The following VSX2 variants were observed in gnomAD, a reference collection of about 807,000 sequenced individuals.
VSX2 encodes ceh-10 homeo domain containing homolog.
VSX2 carries 28 observed loss-of-function variants against 32.1 expected under a neutral mutation model. The ratio of observed to expected loss-of-function variants is 0.87; its 90% CI spans 0.65 to 1.20. VSX2 has a LOEUF of 1.20. Among genes scored for constraint, VSX2 ranks in the 50% most tolerant of loss-of-function variants. The pLI is 0.00. For synonymous variants in VSX2, 243 were observed against 214.1 expected (o/e 1.14, Z -1.18); for missense variants, 506 against 488.7 (o/e 1.04, Z -0.33).
At chr14:74,241,447 G>A (rs1039406370) in intron 2 of VSX2, among the ~76,000 whole-genome samples, 181 bp downstream of exon 2, 7 of 152,264 alleles carry the variant, frequency 4.6e-5, no homozygotes, top group African/African-American at 1.7e-4. Context: ...CGTCGGCACC[G>A]GTTGAGCAGG....
At position 74,259,599 on chromosome 14, in the gene VSX2, C is replaced by A. The variant is rs1335243999; in HGVS notation, c.580-3C>A. 6.2e-7 allele frequency: 1 copy of A among 1,614,194 alleles called. No individual in the cohort carries two copies. Among genetic ancestry groups the A allele is most frequent in the South Asian group, 1.1e-5 (1 of 91,088 alleles). ...GCCTCTGACCTGTTCTGTGCACCTGCAGGTCTGGTTCCAGAACCGTCGAGC... is the reference window on the plus strand; with the variant it reads ...GCCTCTGACCTGTTCTGTGCACCTGAAGGTCTGGTTCCAGAACCGTCGAGC... On this transcript the variant is annotated splice_polypyrimidine_tract_variant and splice_region_variant and intron_variant, in intron 3 of 4. Coordinates refer to ENST00000261980, the MANE Select transcript of VSX2 (RefSeq NM_182894.3).
At chr14:74,241,966 GT>G (rs2079153029) in intron 2 of VSX2, among the ~76,000 whole-genome samples, 2 of 151,320 alleles carry the variant, frequency 1.3e-5, no homozygotes, top group South Asian at 4.2e-4. Flanking sequence ...GTTTTGTTTT[GT>G]TTTTGTCTTT....
In VSX2 at chr14:74,239,628, G is replaced by A. The variant is rs1213638238; in HGVS notation, c.67G>A (p.Gly23Arg). ...CGAGACAGTGGCCAAGAGTACCTCG[G>A]GGGGCGCCCCGGCCAGGTGCACTGG... is the stretch of plus-strand genomic sequence containing the variant. Reference protein sequence around the residue: ...KSETVAKSTSGGAPARCTGFG... With the variant: ...KSETVAKSTSRGAPARCTGFG... The change falls in exon 1 of 5, where the codon GGG (glycine) becomes AGG (arginine). Residue 23 changes from glycine (G) to arginine (R), a missense_variant. Physicochemically the swap from Gly to Arg is moderately radical, Grantham distance 125. Transcript: ENST00000261980. 4.5e-6 allele frequency: 7 copies of A among 1,551,082 alleles called. No homozygotes were observed. Among genetic ancestry groups the A allele is most frequent in the Non-Finnish European group, 6.1e-6 (7 of 1,146,978 alleles).
At chr14:74,244,932 A>AGAGAGAGAG (rs1594754417) in intron 2 of VSX2, among the ~76,000 whole-genome samples, 2 of 35,516 alleles carry the variant, frequency 5.6e-5, no homozygotes, top group Admixed American at 3.4e-4. Flanking sequence ...GTGTGTGTGA[A>AGAGAGAGAG]AGAGAGAGAG....
chr14:74,243,591 A>G (rs2079165436), intron 2 of VSX2, among the ~76,000 whole-genome samples: 1 of 151,922 alleles, frequency 6.6e-6, no homozygotes, highest in Non-Finnish European at 1.5e-5. Context: ...TTTATTGTTT[A>G]TTTTGATGCT....
In VSX2 at chr14:74,260,796, G is replaced by C; in HGVS notation, c.963G>C (p.Leu321=). 1 of 1,574,522 alleles carries C rather than the reference G, an allele frequency of 6.4e-7. No individual in the cohort carries two copies. Among genetic ancestry groups the C allele is most frequent in the South Asian group, 1.2e-5 (1 of 85,840 alleles). The change falls in exon 5 of 5, where the codon CTG becomes CTC. Residue 321 remains leucine, a synonymous_variant. Coordinates refer to ENST00000261980, the MANE Select transcript of VSX2 (RefSeq NM_182894.3). ...AKAQEHSTKV[L]GTVSGPDSLA... ...CTCAGGAGCACAGCACCAAAGTGCTGGGGACTGTGTCTGGGCCGGACAGCC... is the reference window on the plus strand; with the variant it reads ...CTCAGGAGCACAGCACCAAAGTGCTCGGGACTGTGTCTGGGCCGGACAGCC...
chr14:74,248,967 C>G (rs1445163392), intron 3 of VSX2, among the ~76,000 whole-genome samples: 1 of 152,126 alleles, frequency 6.6e-6, no homozygotes, highest in Non-Finnish European at 1.5e-5. Flanking sequence ...GTTTAACAGG[C>G]CCAGATGGAC....
chr14:74,242,875 C>T (rs550460111), intron 2 of VSX2, among the ~76,000 whole-genome samples: 28 of 152,200 alleles, frequency 1.8e-4, no homozygotes, highest in African/African-American at 6.3e-4. Context: ...ATGGCATTTC[C>T]GCATCAGGAC....
At chr14:74,244,446 G>T (rs1244201897) in intron 2 of VSX2, among the ~76,000 whole-genome samples, 1 of 152,146 alleles carries the variant, frequency 6.6e-6, no homozygotes, top group Non-Finnish European at 1.5e-5. Flanking sequence ...GTCGAGGAAG[G>T]GCAGGGGAGG....
At chr14:74,245,322 C>T in intron 3 of VSX2, 34 bp downstream of exon 3, 1 of 1,612,522 alleles carries the variant, frequency 6.2e-7, no homozygotes. Flanking sequence ...CCTCCACTCT[C>T]CCCTCTCTCG....
rs59905689 is a variant in VSX2, at chr14:74,244,945, AGTGTGTGTGTGTGT to A, written c.456-196_456-183del. On this transcript the variant is annotated intron_variant, in intron 2 of 4. Coordinates refer to ENST00000261980, the MANE Select transcript of VSX2 (RefSeq NM_182894.3). ...GTGTGTGTGTGAAAGAGAGAGAGAA[AGTGTGTGTGTGTGT>A]GTGTGTGTGTGTGTGTGTGTGTGAG... Among the ~76,000 whole-genome samples, 120 of 60,072 alleles carry A rather than the reference AGTGTGTGTGTGTGT, an allele frequency of 2.0e-3. 3 individuals carry two copies. Among genetic ancestry groups the A allele is most frequent in the African/African-American group, 6.7e-3 (103 of 15,378 alleles). 39.4% of individuals were successfully genotyped at this position (60,072 alleles called of 152,430 possible).
chr14:74,249,415 T>A (rs758423052), intron 3 of VSX2, among the ~76,000 whole-genome samples: 2 of 152,014 alleles, frequency 1.3e-5, no homozygotes, highest in Non-Finnish European at 2.9e-5. Context: ...GGACTACAGG[T>A]GCCCACCACC....
chr14:74,249,673 G>A (rs1379080505), intron 3 of VSX2, among the ~76,000 whole-genome samples: 1 of 152,158 alleles, frequency 6.6e-6, no homozygotes, highest in Non-Finnish European at 1.5e-5. Flanking sequence ...AAGTAAGACT[G>A]GGATTCAAAC....
chr14:74,251,369 G>A (rs2139639647), intron 3 of VSX2, among the ~76,000 whole-genome samples: 1 of 152,304 alleles, frequency 6.6e-6, no homozygotes, highest in Non-Finnish European at 1.5e-5. Context: ...AGAATAGCTT[G>A]AACCCGGGAG....
At chr14:74,243,223 G>T (rs535492259) in intron 2 of VSX2, among the ~76,000 whole-genome samples, 2 of 152,200 alleles carry the variant, frequency 1.3e-5, no homozygotes, top group African/African-American at 2.4e-5. Flanking sequence ...ACTTAAAAGC[G>T]TTTGGGGGGT....
intron 3 of VSX2, among the ~76,000 whole-genome samples, chr14:74,248,704 C>CA (rs560624333): frequency 0.8 from 116,532 of 145,532 alleles, 46,775 homozygotes; most frequent in Admixed American, 0.87. Context: ...AACAAACGAA[C>CA]AAAAAAAAAA....
At chr14:74,254,795 T>TTTTTTTTTTTTTTTTTTTTTTTTTTTTTC (rs2079252669) in intron 3 of VSX2, among the ~76,000 whole-genome samples, 1 of 146,588 alleles carries the variant, frequency 6.8e-6, no homozygotes, top group African/African-American at 2.5e-5. Flanking sequence ...TTTTTTTTTT[T>TTTTTTTTTTTTTTTTTTTTTTTTTTTTTC]TTGAGACGCA....
At chr14:74,254,783 G>GTTTTTTTTTTTTTTT (rs1566887118) in intron 3 of VSX2, among the ~76,000 whole-genome samples, 1 of 72,372 alleles carries the variant, frequency 1.4e-5, no homozygotes, top group Non-Finnish European at 2.4e-5. Context: ...CCGAAAAGTG[G>GTTTTTTTTTTTTTTT]ATTTTTTTTT....
intron 3 of VSX2, among the ~76,000 whole-genome samples, chr14:74,251,208 G>C (rs1280544672): frequency 6.6e-6 from 1 of 152,002 alleles, no homozygotes; most frequent in Admixed American, 6.6e-5. Flanking sequence ...CCAGCACTTT[G>C]GGAGGCCAAG....
Sources: allele counts gnomAD v4.1 joint callset (sites outside exome capture counted in the v4.1 genomes callset), GRCh38; gene constraint gnomAD v4.1.1; transcripts MANE v1.5; gene names NCBI Gene and HGNC (gene_info 2026-07-23, HGNC 2026-07-21).